GNB5: variants seen among roughly 807,000 people sequenced by gnomAD.
GNB5 encodes G protein subunit beta 5.
Under a neutral mutation model 55.3 loss-of-function variants are expected in GNB5, and 37 were observed. The observed-to-expected ratio is 0.67, with a 90% CI of 0.51 to 0.88. The LOEUF is 0.88. Ranked by LOEUF, GNB5 falls within the 40% of genes least tolerant of loss-of-function variation. GNB5 has a pLI of 0.00. For missense variants in GNB5, 476 were observed against 515.3 expected (o/e 0.92, Z 0.74); for synonymous variants, 219 against 198.5 (o/e 1.10, Z -0.87).
chr15:52,146,049 T>A (rs1209784885), intron 6 of GNB5, among the ~76,000 whole-genome samples: 1 of 149,356 alleles, frequency 6.7e-6, no homozygotes, highest in African/African-American at 2.5e-5. Context: ...CTCCGCCTCC[T>A]GGGTTCACGC....
chr15:52,130,836 T>C (rs2033555040), intron 9 of GNB5, among the ~76,000 whole-genome samples: 1 of 152,194 alleles, frequency 6.6e-6, no homozygotes, highest in Non-Finnish European at 1.5e-5. Flanking sequence ...TTTTATTTTA[T>C]TATTTTTGAG....
At position 52,141,284 on chromosome 15, in the gene GNB5, AG is replaced by A; in HGVS notation, c.495-13del. On this transcript the variant is annotated splice_polypyrimidine_tract_variant and intron_variant, in intron 6 of 12. Coordinates refer to ENST00000261837, the MANE Select transcript of GNB5 (RefSeq NM_016194.4). The stretch of plus-strand genomic sequence containing the variant: ...TATTATCCAAACCACTAGGATGGAA[AG>A]AAAGAAGTACCAAAGATTAATGCAG... 1.2e-6 allele frequency: 2 copies of A among 1,612,614 alleles called. No individual in the cohort carries two copies. The highest frequency in any genetic ancestry group is 1.7e-6 in the Non-Finnish European group (2 of 1,178,580).
intron 9 of GNB5, 61 bp from the exon 10 acceptor site, chr15:52,128,305 C>A: frequency 1.0e-6 from 1 of 991,044 alleles, no homozygotes; most frequent in South Asian, 1.3e-5. Flanking sequence ...CCCATCAGAA[C>A]CATGCTAGGC....
chr15:52,115,470 G>A lies in GNB5; in HGVS notation c.*7287C>T, dbSNP rs557459229. ...GGCTGTCACAAGGATTACATGAATC[G>A]GTATATACAAAGTGCTTAGCACAGT... is the stretch of plus-strand genomic sequence containing the variant. On this transcript the variant is annotated 3_prime_UTR_variant, in exon 13 of 13. Transcript: ENST00000261837. 2 of 152,232 alleles carry A rather than the reference G, an allele frequency of 1.3e-5. No individual in the cohort carries two copies. The highest frequency in any genetic ancestry group is 1.9e-4 in the East Asian group (1 of 5,190). The allele number at this position is 152,232 out of a possible 1,614,324, so 9.4% of individuals were successfully genotyped here.
chr15:52,135,787 G>A (rs767369461), intron 7 of GNB5, 31 bp from the exon 8 acceptor site: 21 of 1,607,240 alleles, frequency 1.3e-5, no homozygotes, highest in Non-Finnish European at 1.7e-5. Flanking sequence ...GAAGTGGGTG[G>A]TTGTGGTTAT....
chr15:52,166,239 A>G (rs1258862575), intron 3 of GNB5, among the ~76,000 whole-genome samples: 13 of 152,228 alleles, frequency 8.5e-5, no homozygotes, highest in African/African-American at 2.2e-4. Context: ...ACACAATAAT[A>G]GTGGGAGACT....
intron 3 of GNB5, among the ~76,000 whole-genome samples, chr15:52,176,053 AAAAAC>A (rs965779315): frequency 6.6e-6 from 1 of 150,706 alleles, no homozygotes; most frequent in African/African-American, 2.5e-5. Flanking sequence ...CATCTCAAAA[AAAAAC>A]AAAACAAAAC....
intron 8 of GNB5, among the ~76,000 whole-genome samples, chr15:52,135,212 C>G (rs1469945919): frequency 2.0e-5 from 3 of 152,144 alleles, no homozygotes; most frequent in Admixed American, 2.0e-4. Context: ...CAGTAGCCAT[C>G]TGACCTGCCA....
rs1349303280 is a variant in GNB5, at chr15:52,118,470, T to G, written c.*4287A>C. 1.3e-5 allele frequency: 2 copies of G among 152,344 alleles called. No individual in the cohort carries two copies. The highest frequency in any genetic ancestry group is 3.9e-4 in the East Asian group (2 of 5,186). The allele number at this position is 152,344 out of a possible 1,614,324, so 9.4% of individuals were successfully genotyped here. A position where few individuals can be genotyped will look rare whatever the true frequency, so the allele number is the denominator to read the frequency against. On this transcript the variant is annotated 3_prime_UTR_variant, in exon 13 of 13. Coordinates refer to ENST00000261837, the MANE Select transcript of GNB5 (RefSeq NM_016194.4). ...TGATGGCTAATGGAACGTGTGCATC[T>G]GTATTCTTGTGTTTTATAACTTTTT...
intron 7 of GNB5, among the ~76,000 whole-genome samples, chr15:52,138,152 G>T (rs2033769643): frequency 6.6e-6 from 1 of 152,020 alleles, no homozygotes; most frequent in South Asian, 2.1e-4. Flanking sequence ...GGAGGCTGAG[G>T]TGGGCGGATC....
At chr15:52,154,227 A>C in intron 3 of GNB5, 151 bp from the exon 4 acceptor site, 1 of 618,974 alleles carries the variant, frequency 1.6e-6, no homozygotes, top group Non-Finnish European at 2.7e-6. Context: ...ATTCCTTACC[A>C]TTGCATCCTA....
At chr15:52,185,946 T>C (rs1351073050) in intron 1 of GNB5, among the ~76,000 whole-genome samples, 2 of 152,034 alleles carry the variant, frequency 1.3e-5, no homozygotes, top group African/African-American at 4.8e-5. Flanking sequence ...GCCAGGCTAA[T>C]TTTTGTATTT....
chr15:52,165,797 A>G (rs2034439716), intron 3 of GNB5, among the ~76,000 whole-genome samples: 2 of 152,194 alleles, frequency 1.3e-5, no homozygotes, highest in Non-Finnish European at 2.9e-5. Context: ...AGTCTGCAAA[A>G]TAACTAGCTA....
At chr15:52,179,386 C>G (rs1183562258) in intron 3 of GNB5, among the ~76,000 whole-genome samples, 1 of 152,104 alleles carries the variant, frequency 6.6e-6, no homozygotes, top group Non-Finnish European at 1.5e-5. Context: ...TCCTAGGCCG[C>G]GCCTACACGG....
intron 3 of GNB5, among the ~76,000 whole-genome samples, chr15:52,173,295 G>A (rs2034587998): frequency 6.6e-6 from 1 of 152,202 alleles, no homozygotes; most frequent in African/African-American, 2.4e-5. Flanking sequence ...GGCTGGTCTT[G>A]ATCTCCTGGG....
chr15:52,165,677 C>T (rs967492355), intron 3 of GNB5, among the ~76,000 whole-genome samples: 1 of 151,992 alleles, frequency 6.6e-6, no homozygotes, highest in African/African-American at 2.4e-5. Context: ...CCAGGCCTGC[C>T]CTGTAAAAGC....
intron 7 of GNB5, among the ~76,000 whole-genome samples, chr15:52,138,200 T>C (rs1246396180): frequency 6.6e-6 from 1 of 151,792 alleles, no homozygotes; most frequent in South Asian, 2.1e-4. Flanking sequence ...CTGGCCAACA[T>C]GGTAAAACTC....
rs778276209 is a variant in GNB5 at position 52,124,615 on chromosome 15, T to C, written c.1034A>G (p.Asn345Ser). 49 of 1,613,942 alleles carry C rather than the reference T, an allele frequency of 3.0e-5. No individual in the cohort carries two copies. The highest frequency in any genetic ancestry group is 3.3e-4 in the Middle Eastern group (2 of 6,084). Residue 345 changes from asparagine (N) to serine (S), a missense_variant, in exon 12 of 13, where the codon AAT becomes AGT. Transcript: ENST00000261837. ...LSGRLLFAGY[N>S]DYTINVWDVL... is the part of the protein sequence containing the mutation. ...ATCCCAGACGTTGATAGTGTAATCA[T>C]TGTATCCAGCAAACAGCAGGCGACC...
At chr15:52,174,379 G>A (rs1214297479) in intron 3 of GNB5, among the ~76,000 whole-genome samples, 3 of 152,178 alleles carry the variant, frequency 2.0e-5, no homozygotes, top group African/African-American at 7.2e-5. Flanking sequence ...ATCAAGCGAG[G>A]TAGTACTCGC....
Sources: gnomAD v4.1 joint callset for allele counts (sites outside exome capture counted in the v4.1 genomes callset) on GRCh38, gnomAD v4.1.1 for gene constraint, MANE v1.5 for transcripts, NCBI Gene and HGNC (gene_info 2026-07-23, HGNC 2026-07-21) for gene names.